Variants in ZNF510 observed in about 807,000 individuals in gnomAD.
The protein encoded by ZNF510 is zinc finger protein 510.
ZNF510 carries 15 observed loss-of-function variants against 18.1 expected under a neutral mutation model. The ratio of observed to expected loss-of-function variants is 0.83; its 90% confidence interval spans 0.55 to 1.28. ZNF510 has a LOEUF of 1.28. Among genes scored for constraint, ZNF510 ranks in the 50% most tolerant of loss-of-function variants. The pLI, the probability that ZNF510 is intolerant of heterozygous loss-of-function variation, is 0.00. For synonymous variants in ZNF510, 261 were observed against 266.4 expected, an observed-to-expected ratio of 0.98 and a Z score of 0.20; for missense variants, 724 against 791.8, an observed-to-expected ratio of 0.91 and a Z score of 1.03.
At chr9:96,773,236 A>G (rs891907186) in intron 3 of ZNF510, among the ~76,000 whole-genome samples, 2 of 152,204 alleles carry the variant, frequency 1.3e-5, no homozygotes, top group Admixed American at 6.5e-5. Flanking sequence ...GAATTTACAT[A>G]TGTAAAAATC....
intron 5 of ZNF510, 76 bp downstream of exon 5, chr9:96,763,042 T>C (rs1462139517): frequency 8.5e-7 from 1 of 1,179,608 alleles, no homozygotes. Context: ...TTGCAATATT[T>C]AGGTGTTCAC....
Position 96,756,035 on chromosome 9 carries a change from C to T in ZNF510, c.*2743G>A, listed in dbSNP as rs539410092. 6.6e-6 allele frequency: 1 copy of T among 152,226 alleles called. No individual in the cohort carries two copies. The highest frequency in any genetic ancestry group is 2.1e-4 in the South Asian group (1 of 4,814). 9.4% of individuals were successfully genotyped at this position (152,226 alleles called of 1,614,324 possible). ...GAGAAAGCTGTCGGCAGCTTGATTC[C>T]AGTCAGTCTTATCAGAAAATAGTCT... On this transcript the variant is annotated 3_prime_UTR_variant, in exon 6 of 6. Coordinates refer to ENST00000223428, the MANE Select transcript of ZNF510 (RefSeq NM_014930.3).
At chr9:96,763,358 G>A (rs1849400256) in intron 4 of ZNF510, 145 bp from the exon 5 acceptor site, 1 of 1,269,490 alleles carries the variant, frequency 7.9e-7, no homozygotes, top group African/African-American at 1.5e-5. Flanking sequence ...ATTCTTTCTA[G>A]TCCTCGACAG....
chr9:96,761,413 T>G (rs1272974040), intron 5 of ZNF510, among the ~76,000 whole-genome samples: 1 of 152,236 alleles, frequency 6.6e-6, no homozygotes, highest in Non-Finnish European at 1.5e-5. Flanking sequence ...CGCTTACCTC[T>G]TAACATTTTA....
chr9:96,756,824 AG>A lies in ZNF510; in HGVS notation c.*1953del, dbSNP rs1849205133. ...TTCAACCCACAAAATCACCAGTCAC[AG>A]AGAGAGACTTGAAGCCCAAAATGAT... On this transcript the variant is annotated 3_prime_UTR_variant, in exon 6 of 6. Transcript: ENST00000223428. 1 of 152,224 alleles carries A rather than the reference AG, an allele frequency of 6.6e-6. No individual in the cohort carries two copies. The highest frequency in any genetic ancestry group is 1.5e-5 in the Non-Finnish European group (1 of 68,072). 9.4% of individuals were successfully genotyped at this position (152,224 alleles called of 1,614,324 possible).
Position 96,758,689 on chromosome 9 carries a change from T to C in ZNF510, c.*89A>G. ...AGGGTTTACTTCTGGGACTGTCTTC[T>C]TACATTCACTACCCTCAATTGGTTT... On this transcript the variant is annotated 3_prime_UTR_variant, in exon 6 of 6. Transcript: ENST00000223428. The C allele has an allele frequency of 7.4e-7, 1 of 1,353,464 alleles. No homozygotes were observed. Among genetic ancestry groups the C allele is most frequent in the Non-Finnish European group, 1.0e-6 (1 of 999,046 alleles). 83.8% of individuals were successfully genotyped at this position (1,353,464 alleles called of 1,614,324 possible). A position where few individuals can be genotyped will look rare whatever the true frequency, so the allele number is the denominator to read the frequency against.
chr9:96,762,162 G>A (rs568111370), intron 5 of ZNF510, among the ~76,000 whole-genome samples: 6 of 144,944 alleles, frequency 4.1e-5, no homozygotes, highest in South Asian at 4.4e-4. Flanking sequence ...GAACTTACTC[G>A]TGTAACCAAA....
At chr9:96,772,736 G>GTGT (rs1236397730) in intron 3 of ZNF510, among the ~76,000 whole-genome samples, 1 of 152,180 alleles carries the variant, frequency 6.6e-6, no homozygotes, top group East Asian at 1.9e-4. Context: ...ATAATAACAA[G>GTGT]TGTTGCTCAG....
intron 3 of ZNF510, among the ~76,000 whole-genome samples, chr9:96,769,368 A>T (rs10156426): frequency 0.11 from 17,359 of 151,346 alleles, 2,875 homozygotes; most frequent in African/African-American, 0.37. Flanking sequence ...ACCCAGGAGA[A>T]GGACGTTGCA....
At position 96,759,402 on chromosome 9, in the gene ZNF510, CCT is replaced by C; in HGVS notation, c.1426_1427del (p.Arg476GlyfsTer13). The C allele has an allele frequency of 6.2e-7, 1 of 1,613,788 alleles. No individual in the cohort carries two copies. The highest frequency in any genetic ancestry group is 8.5e-7 in the Non-Finnish European group (1 of 1,179,944). On this transcript the variant is annotated frameshift_variant, in exon 6 of 6. Transcript: ENST00000223428. LOFTEE classifies it low-confidence loss of function (END_TRUNC). Reference protein sequence around the residue: ...GKTFVQKSTLRGHQRIHTGEK... With the variant: ...GKTFVQKSTLXGHQRIHTGEK... Reference sequence around the variant, plus strand: ...CTCCTGTGTGAATTCTTTGATGTCCCCTGAGGGTTGACTTCTGGACAAATGTT... The same window carrying C: ...CTCCTGTGTGAATTCTTTGATGTCCCGAGGGTTGACTTCTGGACAAATGTT...
At position 96,757,894 on chromosome 9, in the gene ZNF510, CAAGT is replaced by C. The variant is rs1208872078; in HGVS notation, c.*880_*883del. 1 of 152,088 alleles carries C rather than the reference CAAGT, an allele frequency of 6.6e-6. No homozygotes were observed. The highest frequency in any genetic ancestry group is 2.4e-5 in the African/African-American group (1 of 41,406). 9.4% of individuals were successfully genotyped at this position (152,088 alleles called of 1,614,324 possible). ...ACAGGTGATCTGATAACTAAAATGT[CAAGT>C]AAGTGACTAACTGGCAGATAGTGTA... On this transcript the variant is annotated 3_prime_UTR_variant, in exon 6 of 6. Transcript: ENST00000223428.
chr9:96,762,503 C>T (rs1168416569), intron 5 of ZNF510, among the ~76,000 whole-genome samples: 2 of 133,458 alleles, frequency 1.5e-5, no homozygotes, highest in Admixed American at 7.1e-5. Context: ...AGGGAGACTC[C>T]GTCTCAAAAA....
At chr9:96,766,486 A>C (rs1320738725) in intron 3 of ZNF510, among the ~76,000 whole-genome samples, 1 of 152,054 alleles carries the variant, frequency 6.6e-6, no homozygotes, top group African/African-American at 2.4e-5. Context: ...TGGTAGATGC[A>C]ACAGAGACTG....
rs150643136 is a variant in ZNF510 at position 96,758,855 on chromosome 9, T to G, written c.1975A>C (p.Asn659His). 6.4e-5 allele frequency: 103 copies of G among 1,613,978 alleles called. No individual in the cohort carries two copies. In the African/African-American group the frequency reaches 1.3e-3, roughly 20 times the overall value. The part of the protein sequence containing the change: ...THSGEKSYEC[N>H]EYGKLCKKST... ...TTCTTACATAATTTCCCATATTCAT[T>G]GCATTCATAAGATTTCTCCCCACTG... is the stretch of plus-strand genomic sequence containing the variant. Residue 659 changes from asparagine (N) to histidine (H), a missense_variant, in exon 6 of 6, where the codon AAT becomes CAT. Physicochemically the swap from Asn to His is moderately conservative, Grantham distance 68 (BLOSUM62 1). Coordinates refer to ENST00000223428, the MANE Select transcript of ZNF510 (RefSeq NM_014930.3).
rs770530131 is a variant in ZNF510, at chr9:96,758,072, T to A, written c.*706A>T. ...CTGGATCCATTTAATAACTTTAAAG[T>A]ACAGTTGACCATGGTTAATGGAAAT... On this transcript the variant is annotated 3_prime_UTR_variant, in exon 6 of 6. Transcript: ENST00000223428. 1 of 152,206 alleles carries A rather than the reference T, an allele frequency of 6.6e-6. No homozygotes were observed. The highest frequency in any genetic ancestry group is 1.5e-5 in the Non-Finnish European group (1 of 68,024). The allele number at this position is 152,206 out of a possible 1,614,324, so 9.4% of individuals were successfully genotyped here.
At position 96,756,911 on chromosome 9, in the gene ZNF510, A is replaced by T. The variant is rs1255124653; in HGVS notation, c.*1867T>A. 6.6e-6 allele frequency: 1 copy of T among 152,210 alleles called. No homozygotes were observed. The highest frequency in any genetic ancestry group is 1.5e-5 in the Non-Finnish European group (1 of 68,032). The allele number at this position is 152,210 out of a possible 1,614,324, so 9.4% of individuals were successfully genotyped here. A position where few individuals can be genotyped will look rare whatever the true frequency, so the allele number is the denominator to read the frequency against. ...AATTATTCCTGATTAGAATTCTATG[A>T]CTTATGCGAATTACAGGGAATTAGA... On this transcript the variant is annotated 3_prime_UTR_variant, in exon 6 of 6. Transcript: ENST00000223428.
At chr9:96,770,321 G>A (rs374910186) in intron 3 of ZNF510, among the ~76,000 whole-genome samples, 19 of 151,984 alleles carry the variant, frequency 1.3e-4, no homozygotes, top group Non-Finnish European at 2.2e-4. Flanking sequence ...CAGGTGTGGC[G>A]GCTCACACCT....
At chr9:96,777,317 A>AG (rs1204289759) in intron 1 of ZNF510, among the ~76,000 whole-genome samples, 1 of 152,206 alleles carries the variant, frequency 6.6e-6, no homozygotes, top group Non-Finnish European at 1.5e-5. Context: ...ATGCTGGGTT[A>AG]GGTAGGTAGG....
At chr9:96,762,509 A>G (rs1200084006) in intron 5 of ZNF510, among the ~76,000 whole-genome samples, 2 of 134,962 alleles carry the variant, frequency 1.5e-5, no homozygotes, top group African/African-American at 6.0e-5. Context: ...ACTCCGTCTC[A>G]AAAAAAAAAA....
Sources: gnomAD v4.1 joint callset for allele counts (sites outside exome capture counted in the v4.1 genomes callset) on GRCh38, gnomAD v4.1.1 for gene constraint, MANE v1.5 for transcripts, NCBI Gene and HGNC (gene_info 2026-07-23, HGNC 2026-07-21) for gene names.